The following IGF2BP2 variants were observed in gnomAD, a reference collection of about 807,000 sequenced individuals.
IGF2BP2 encodes insulin like growth factor 2 mRNA binding protein 2, also known as insulin-like growth factor 2 mRNA-binding protein 2.
A neutral mutation model predicts 75.8 loss-of-function variants in IGF2BP2; 17 were observed. That is an observed-to-expected ratio of 0.22 (90% CI 0.15 to 0.34). IGF2BP2 has a LOEUF of 0.34. Among genes scored for constraint, IGF2BP2 ranks in the 10% least tolerant of loss-of-function variants. The pLI, the probability that IGF2BP2 is intolerant of heterozygous loss-of-function variation, is 1.00. For synonymous variants in IGF2BP2, 288 were observed against 295.6 expected (o/e 0.97, Z 0.26); for missense variants, 516 against 772.4 (o/e 0.67, Z 3.93).
intron 2 of IGF2BP2, chr3:185,716,623 A>G (rs753034481): frequency 9.6e-6 from 5 of 520,040 alleles, no homozygotes; most frequent in South Asian, 5.6e-5. Flanking sequence ...GGGGGCAGGT[A>G]GGGAAGCACA....
chr3:185,718,851 G>A (rs1726080546), intron 2 of IGF2BP2, among the ~76,000 whole-genome samples: 1 of 152,156 alleles, frequency 6.6e-6, no homozygotes, highest in Non-Finnish European at 1.5e-5. Flanking sequence ...ACCAAGGTAA[G>A]ATCCTGTATC....
intron 12 of IGF2BP2, among the ~76,000 whole-genome samples, chr3:185,655,291 A>G (rs961656896): frequency 4.6e-5 from 7 of 151,958 alleles, no homozygotes; most frequent in Non-Finnish European, 7.4e-5. Flanking sequence ...GCCATCATGC[A>G]TGGCTAATTT....
At chr3:185,692,787 T>C in intron 4 of IGF2BP2, 25 bp from the exon 5 acceptor site, 2 of 1,611,228 alleles carry the variant, frequency 1.2e-6, no homozygotes, top group Non-Finnish European at 1.7e-6. Flanking sequence ...AAAACTACAC[T>C]GTCATAGGAA....
chr3:185,750,743 C>T (rs970650528), intron 2 of IGF2BP2, among the ~76,000 whole-genome samples: 1 of 152,178 alleles, frequency 6.6e-6, no homozygotes, highest in Admixed American at 6.5e-5. Flanking sequence ...AATCCAGACC[C>T]CCCTCATATA....
chr3:185,651,774 GGTAGACATGACTAAATGAGCC>G (rs1372302480), intron 13 of IGF2BP2, among the ~76,000 whole-genome samples: 2 of 152,156 alleles, frequency 1.3e-5, no homozygotes, highest in Admixed American at 6.5e-5. Context: ...TAGCTTGAAG[GGTAGACATGACTAAATGAGCC>G]GGAGACATCC....
At chr3:185,659,193 A>G (rs1715983156) in intron 10 of IGF2BP2, among the ~76,000 whole-genome samples, 1 of 151,956 alleles carries the variant, frequency 6.6e-6, no homozygotes, top group African/African-American at 2.4e-5. Context: ...CACTGGTGCT[A>G]TGCCTGGGCG....
intron 7 of IGF2BP2, among the ~76,000 whole-genome samples, chr3:185,679,584 CTTTTA>C (rs1396624253): frequency 1.1e-4 from 16 of 151,928 alleles, no homozygotes; most frequent in South Asian, 2.1e-4. Context: ...GTCTATCATT[CTTTTA>C]TTTTATGTTT....
intron 2 of IGF2BP2, among the ~76,000 whole-genome samples, chr3:185,700,549 C>A (rs1723149435): frequency 6.6e-6 from 1 of 152,168 alleles, no homozygotes; most frequent in South Asian, 2.1e-4. Context: ...CATACAGTGG[C>A]TACATGGAAA....
chr3:185,787,913 C>A (rs1223416748), intron 2 of IGF2BP2, among the ~76,000 whole-genome samples: 2 of 152,016 alleles, frequency 1.3e-5, no homozygotes, highest in Non-Finnish European at 2.9e-5. Flanking sequence ...TTTTTTTAAA[C>A]AATTACTTAA....
intron 2 of IGF2BP2, among the ~76,000 whole-genome samples, chr3:185,732,545 G>C (rs944758769): frequency 6.6e-6 from 1 of 152,124 alleles, no homozygotes; most frequent in Non-Finnish European, 1.5e-5. Context: ...AACCCTCTAA[G>C]GCAAGCACCC....
At chr3:185,769,936 C>T (rs774741733) in intron 2 of IGF2BP2, among the ~76,000 whole-genome samples, 4 of 151,766 alleles carry the variant, frequency 2.6e-5, no homozygotes, top group African/African-American at 9.7e-5. Flanking sequence ...TAGGCAAAAT[C>T]CACAAACCAT....
At chr3:185,824,741 A>AGCGGG in intron 1 of IGF2BP2, 42 bp downstream of exon 1, 1 of 1,248,622 alleles carries the variant, frequency 8.0e-7, no homozygotes, top group Non-Finnish European at 1.0e-6. Flanking sequence ...TCCCGGCCTG[A>AGCGGG]GCGGGGCGAG....
chr3:185,678,933 T>C (rs1475899213), intron 7 of IGF2BP2, among the ~76,000 whole-genome samples: 2 of 152,202 alleles, frequency 1.3e-5, no homozygotes, highest in Non-Finnish European at 1.5e-5. Flanking sequence ...GATAATAGTA[T>C]AGCTACTCCT....
chr3:185,715,022 C>CCAAGGGA, intron 2 of IGF2BP2, among the ~76,000 whole-genome samples: 1 of 152,296 alleles, frequency 6.6e-6, no homozygotes, highest in East Asian at 1.9e-4. Flanking sequence ...TGCCGCACTG[C>CCAAGGGA]CAAGGGACAA....
At chr3:185,812,686 C>T (rs750716225) in intron 2 of IGF2BP2, among the ~76,000 whole-genome samples, 3 of 152,190 alleles carry the variant, frequency 2.0e-5, no homozygotes, top group Non-Finnish European at 4.4e-5. Flanking sequence ...AAATCTTAGA[C>T]TCAACTCCAA....
chr3:185,655,473 G>C (rs1437889566), intron 12 of IGF2BP2, among the ~76,000 whole-genome samples: 1 of 152,178 alleles, frequency 6.6e-6, no homozygotes, highest in Admixed American at 6.5e-5. Context: ...CAAATATTTG[G>C]CCTCCCTGGT....
intron 2 of IGF2BP2, among the ~76,000 whole-genome samples, chr3:185,719,041 G>T (rs1447136240): frequency 6.6e-6 from 1 of 152,190 alleles, no homozygotes; most frequent in Non-Finnish European, 1.5e-5. Context: ...AGATGACCTT[G>T]GGTGGGGAGA....
chr3:185,755,357 A>C (rs1731480894), intron 2 of IGF2BP2, among the ~76,000 whole-genome samples: 2 of 152,220 alleles, frequency 1.3e-5, no homozygotes, highest in South Asian at 4.1e-4. Flanking sequence ...AGAGAGTGCA[A>C]GAATGAATGA....
Position 185,782,232 on chromosome 3 carries a change from T to G in IGF2BP2, c.239+40921A>C, listed in dbSNP as rs76549214. 7.3e-3 allele frequency among the ~76,000 whole-genome samples: 1,112 copies of G among 152,282 alleles called. 56 individuals carry two copies. The East Asian group carries it at 0.14, about 20-fold the overall frequency. ...GGAACTTAATGTGCCAGGAAAATTT[T>G]AATGATGTAGAGAATTATTAGCCCC... On this transcript the variant is annotated intron_variant, in intron 2 of 15. Transcript: ENST00000382199.
Sources: allele counts gnomAD v4.1 joint callset (sites outside exome capture counted in the v4.1 genomes callset), GRCh38; gene constraint gnomAD v4.1.1; transcripts MANE v1.5; gene names NCBI Gene and HGNC (gene_info 2026-07-23, HGNC 2026-07-21).